AMOTL1: variants seen among roughly 807,000 people sequenced by gnomAD.
AMOTL1 encodes angiomotin-like protein 1.
AMOTL1 carries 45 observed loss-of-function variants against 102.9 expected under a neutral mutation model. The observed-to-expected ratio is 0.44, with a 90% CI of 0.34 to 0.56. AMOTL1 has a LOEUF of 0.56. AMOTL1 is among the 20% of genes least tolerant of loss of function. The pLI is 0.01. For synonymous variants in AMOTL1, 481 were observed against 484.7 expected (o/e 0.99, Z 0.10); for missense variants, 1,114 against 1,225.6 (o/e 0.91, Z 1.36).
intron 3 of AMOTL1, among the ~76,000 whole-genome samples, chr11:94,757,213 G>T (rs1280207120): frequency 1.3e-5 from 2 of 152,016 alleles, no homozygotes; most frequent in East Asian, 3.9e-4. Flanking sequence ...GTAAGAAAAT[G>T]GCTAACAGGT....
chr11:94,862,243 C>T (rs1409563828), intron 9 of AMOTL1, among the ~76,000 whole-genome samples: 1 of 152,102 alleles, frequency 6.6e-6, no homozygotes, highest in Non-Finnish European at 1.5e-5. Context: ...TAGCTCCAAT[C>T]TTAATGTTCT....
chr11:94,840,654 GTATATATATATA>G (rs551220386), intron 6 of AMOTL1, among the ~76,000 whole-genome samples: 3 of 111,284 alleles, frequency 2.7e-5, no homozygotes, highest in African/African-American at 1.2e-4. Flanking sequence ...CTTAAAAAAC[GTATATATATATA>G]TATATATATA....
intron 1 of AMOTL1, among the ~76,000 whole-genome samples, chr11:94,792,600 C>G (rs73514280): frequency 0.031 from 4,710 of 152,288 alleles, 190 homozygotes; most frequent in African/African-American, 0.095. Flanking sequence ...GTCATCTGCT[C>G]TGCTCTCCAG....
intron 3 of AMOTL1, among the ~76,000 whole-genome samples, chr11:94,819,811 T>C (rs1393848574): frequency 1.3e-5 from 2 of 152,246 alleles, no homozygotes; most frequent in African/African-American, 4.8e-5. Flanking sequence ...CTGTCTCAGA[T>C]ACTTTTTGGT....
At chr11:94,713,996 C>T (rs533942408) in intron 1 of AMOTL1, among the ~76,000 whole-genome samples, 7 of 152,062 alleles carry the variant, frequency 4.6e-5, no homozygotes, top group South Asian at 2.1e-4. Flanking sequence ...CAGTCTTTCA[C>T]GATTAAATAT....
chr11:94,796,931 C>T, intron 2 of AMOTL1: 1 of 923,446 alleles, frequency 1.1e-6, no homozygotes, highest in African/African-American at 1.8e-5. Context: ...ATAAGCATAT[C>T]ACACCACCTT....
intron 1 of AMOTL1, among the ~76,000 whole-genome samples, chr11:94,783,437 G>A (rs532688658): frequency 6.6e-6 from 1 of 152,128 alleles, no homozygotes; most frequent in South Asian, 2.1e-4. Flanking sequence ...GATAAATTAG[G>A]GGTTACTACA....
intron 1 of AMOTL1, among the ~76,000 whole-genome samples, chr11:94,718,343 G>A (rs896104967): frequency 1.3e-5 from 2 of 151,896 alleles, no homozygotes; most frequent in African/African-American, 4.8e-5. Flanking sequence ...TTTATTGACA[G>A]TCATTAAAAT....
chr11:94,829,459 G>A (rs1464529657), intron 4 of AMOTL1, among the ~76,000 whole-genome samples: 2 of 152,082 alleles, frequency 1.3e-5, no homozygotes, highest in African/African-American at 4.8e-5. Flanking sequence ...GACCTCAGGT[G>A]ATCCACCCAC....
chr11:94,725,942 G>A (rs972073127), intron 1 of AMOTL1, among the ~76,000 whole-genome samples: 1 of 152,176 alleles, frequency 6.6e-6, no homozygotes, highest in African/African-American at 2.4e-5. Flanking sequence ...AAATTGTGGA[G>A]AATGGGTTGG....
Position 94,830,186 on chromosome 11 carries a change from A to T in AMOTL1, c.1550A>T (p.Asp517Val), listed in dbSNP as rs1356625801. 6.2e-7 allele frequency: 1 copy of T among 1,602,904 alleles called. No individual in the cohort carries two copies. The highest frequency in any genetic ancestry group is 1.7e-5 in the Admixed American group (1 of 57,780). The change falls in exon 5 of 13, where the codon GAC (aspartate) becomes GTC (valine). Residue 517 changes from aspartate (D) to valine (V), a missense_variant. Transcript: ENST00000433060. Reference sequence around the variant, plus strand: ...AGAAGACTTCATGATTTCAACAGAGACCTCCGAGGCAGGTTTATTCATGTT... The same window carrying T: ...AGAAGACTTCATGATTTCAACAGAGTCCTCCGAGGCAGGTTTATTCATGTT... Reference protein sequence around the residue: ...EIRRLHDFNRDLRDRLETANR... With the variant: ...EIRRLHDFNRVLRDRLETANR...
rs56290112 is a variant in AMOTL1, at chr11:94,707,214, GTCTCTCTCTCTC to G, written c.-51+643_-51+654del. Among the ~76,000 whole-genome samples, 433 of 132,204 alleles carry G rather than the reference GTCTCTCTCTCTC, an allele frequency of 3.3e-3. 2 individuals are homozygous for G. Among genetic ancestry groups the G allele is most frequent in the African/African-American group, 4.1e-3 (133 of 32,156 alleles). 86.7% of individuals were successfully genotyped at this position (132,204 alleles called of 152,430 possible). On this transcript the variant is annotated intron_variant, in intron 1 of 4. Transcript: ENST00000299004. ...GTTCTTCCAAGAAAATATACATGAGGTCTCTCTCTCTCTCTCTCTCTCTCTCTCTCTCTCTCT... is the reference window on the plus strand; with the variant it reads ...GTTCTTCCAAGAAAATATACATGAGGTCTCTCTCTCTCTCTCTCTCTCTCT...
chr11:94,821,149 C>T (rs748279761), intron 3 of AMOTL1, among the ~76,000 whole-genome samples: 10 of 152,218 alleles, frequency 6.6e-5, no homozygotes, highest in Non-Finnish European at 1.2e-4. Flanking sequence ...CTCAGAGACT[C>T]CTTCTCTGCT....
intron 1 of AMOTL1, among the ~76,000 whole-genome samples, chr11:94,713,035 T>C (rs1950042893): frequency 6.8e-6 from 1 of 147,768 alleles, no homozygotes; most frequent in Non-Finnish European, 1.5e-5. Context: ...TCAAATTTAG[T>C]TTTTTTTTGT....
At chr11:94,847,596 C>T (rs1479255096) in intron 6 of AMOTL1, among the ~76,000 whole-genome samples, 1 of 152,094 alleles carries the variant, frequency 6.6e-6, no homozygotes, top group African/African-American at 2.4e-5. Context: ...AGCTGAGGCA[C>T]AGAGAGGTTA....
chr11:94,779,778 G>C (rs978585822), intron 1 of AMOTL1, among the ~76,000 whole-genome samples: 2 of 151,820 alleles, frequency 1.3e-5, no homozygotes, highest in Non-Finnish European at 2.9e-5. Context: ...CCTTGATTTG[G>C]AAAAATTATC....
intron 1 of AMOTL1, among the ~76,000 whole-genome samples, chr11:94,770,062 C>T (rs1204564608): frequency 6.6e-6 from 1 of 152,156 alleles, no homozygotes. Context: ...ACAATCATGG[C>T]TCCCTGCTTC....
chr11:94,875,962 T>G lies in AMOTL1; in HGVS notation c.*5167T>G, dbSNP rs1298259264. 6.6e-6 allele frequency: 1 copy of G among 152,668 alleles called. No homozygotes were observed. Among genetic ancestry groups the G allele is most frequent in the Non-Finnish European group, 1.5e-5 (1 of 68,038 alleles). The allele number at this position is 152,668 out of a possible 1,614,324, so 9.5% of individuals were successfully genotyped here. On this transcript the variant is annotated 3_prime_UTR_variant, in exon 13 of 13. Coordinates refer to ENST00000433060, the MANE Select transcript of AMOTL1 (RefSeq NM_130847.3). ...AAACTGTGTTTACTTTAGTGCATGT[T>G]ATTGTCATGTTATGATGTGACTGGG...
intron 1 of AMOTL1, among the ~76,000 whole-genome samples, chr11:94,788,031 A>T (rs1951220999): frequency 6.6e-6 from 1 of 152,160 alleles, no homozygotes; most frequent in African/African-American, 2.4e-5. Flanking sequence ...TATCGCAGGT[A>T]GTTTATCAAC....
Sources: allele counts gnomAD v4.1 joint callset (sites outside exome capture counted in the v4.1 genomes callset), GRCh38; gene constraint gnomAD v4.1.1; transcripts MANE v1.5; gene names NCBI Gene and HGNC (gene_info 2026-07-23, HGNC 2026-07-21).